The following FTCDNL1 variants were observed in gnomAD, a reference collection of about 807,000 sequenced individuals.
FTCDNL1 encodes formiminotransferase cyclodeaminase N-terminal like.
Under a neutral mutation model 5.9 loss-of-function variants are expected in FTCDNL1, and 11 were observed. The ratio of observed to expected loss-of-function variants is 1.87; its 90% CI spans 1.18 to 3.10. The LOEUF (loss-of-function observed/expected upper bound fraction) is 3.10, where lower values mean the gene tolerates loss of function less well. FTCDNL1 is among the 30% of genes most tolerant of loss of function. The pLI, the probability that FTCDNL1 is intolerant of heterozygous loss-of-function variation, is 0.00. For missense variants in FTCDNL1, 115 were observed against 65.5 expected, an observed-to-expected ratio of 1.76 and a Z score of -2.61; for synonymous variants, 58 against 24.8, an observed-to-expected ratio of 2.34 and a Z score of -3.99.
the FTCDNL1 span, among the ~76,000 whole-genome samples, chr2:199,689,451 A>G: frequency 2.0e-5 from 3 of 152,164 alleles, no homozygotes; most frequent in Non-Finnish European, 4.4e-5. Flanking sequence ...TTATCACCCA[A>G]CACAGGAAGC....
intron 3 of FTCDNL1, among the ~76,000 whole-genome samples, chr2:199,787,214 C>T (rs1238031167): frequency 6.6e-6 from 1 of 151,682 alleles, no homozygotes; most frequent in African/African-American, 2.4e-5. Context: ...TAGAATCTCG[C>T]TCTGTCACCC....
At chr2:199,781,331 G>A (rs775305821) in intron 3 of FTCDNL1, among the ~76,000 whole-genome samples, 1 of 152,138 alleles carries the variant, frequency 6.6e-6, no homozygotes, top group Admixed American at 6.5e-5. Flanking sequence ...CCTTCCTACT[G>A]ACAGGAGGTA....
Position 199,850,906 on chromosome 2 carries a change from C to T in FTCDNL1, c.-174G>A, listed in dbSNP as rs968391547. On this transcript the variant is annotated 5_prime_UTR_variant, in exon 1 of 5. Coordinates refer to ENST00000420128, the MANE Select transcript of FTCDNL1 (RefSeq NM_001363886.2). ...GGACCACGTGGGCTGAAAGGGAACC[C>T]GAAGTGACTCCCGGCCTCCCCACAG... 7.2e-5 allele frequency: 11 copies of T among 152,234 alleles called. No homozygotes were observed. The highest frequency in any genetic ancestry group is 6.5e-4 in the Admixed American group (10 of 15,296). 9.4% of individuals were successfully genotyped at this position (152,234 alleles called of 1,614,324 possible). A position where few individuals can be genotyped will look rare whatever the true frequency, so the allele number is the denominator to read the frequency against.
chr2:199,675,231 C>T, the FTCDNL1 span, among the ~76,000 whole-genome samples: 3 of 152,218 alleles, frequency 2.0e-5, no homozygotes, highest in African/African-American at 7.2e-5. Flanking sequence ...TTTATTGTCC[C>T]ACTCTTGCTT....
chr2:199,670,434 G>T, the FTCDNL1 span, among the ~76,000 whole-genome samples: 1 of 152,174 alleles, frequency 6.6e-6, no homozygotes, highest in Admixed American at 6.5e-5. Flanking sequence ...TAGGACTCAA[G>T]AATCAGTTTT....
rs1246866511 is a variant in FTCDNL1 at position 199,762,250 on chromosome 2, G to A, written c.212-1415C>T. ...AAAAATTAGCCGAGCATGGTGGTGG[G>A]CACCTGTAGTCCCAGCTACTCAGGA... On this transcript the variant is annotated intron_variant, in intron 3 of 3. Coordinates refer to the FTCDNL1 transcript ENST00000416668. Among the ~76,000 whole-genome samples the A allele has an allele frequency of 2.0e-5, 3 of 152,080 alleles. No individual in the cohort carries two copies. In the East Asian group the frequency reaches 5.8e-4, roughly 29 times the overall value.
At chr2:199,737,971 A>G in the FTCDNL1 span, among the ~76,000 whole-genome samples, 1 of 152,214 alleles carries the variant, frequency 6.6e-6, no homozygotes, top group Non-Finnish European at 1.5e-5. Context: ...AGCTGCCTCA[A>G]TGACCACAGC....
At chr2:199,669,987 G>A in the FTCDNL1 span, among the ~76,000 whole-genome samples, 2 of 152,164 alleles carry the variant, frequency 1.3e-5, no homozygotes, top group African/African-American at 2.4e-5. Flanking sequence ...TGAGATTGAT[G>A]TAGTGGCTCT....
chr2:199,733,292 T>C, the FTCDNL1 span, among the ~76,000 whole-genome samples: 3,565 of 152,278 alleles, frequency 0.023, 146 homozygotes, highest in African/African-American at 0.08. Context: ...AGGAATTATA[T>C]ATTTAGGCAT....
chr2:199,815,411 T>C (rs1358475643), intron 4 of FTCDNL1, among the ~76,000 whole-genome samples: 2 of 152,234 alleles, frequency 1.3e-5, no homozygotes, highest in Admixed American at 6.5e-5. Flanking sequence ...GATTGTTGAC[T>C]GTACTGTACA....
At chr2:199,735,081 CCT>C in the FTCDNL1 span, among the ~76,000 whole-genome samples, 2 of 141,220 alleles carry the variant, frequency 1.4e-5, no homozygotes, top group Non-Finnish European at 3.0e-5. Flanking sequence ...TCTTAAACCC[CCT>C]GATAGTCAAA....
At chr2:199,681,394 T>G in the FTCDNL1 span, among the ~76,000 whole-genome samples, 1 of 151,984 alleles carries the variant, frequency 6.6e-6, no homozygotes, top group African/African-American at 2.4e-5. Context: ...AGGCGGAGGT[T>G]GCAGTGAGCC....
intron 3 of FTCDNL1, among the ~76,000 whole-genome samples, chr2:199,838,431 G>GA (rs550620734): frequency 1.1e-4 from 16 of 151,750 alleles, no homozygotes; most frequent in South Asian, 2.1e-4. Flanking sequence ...AAACCCCCAG[G>GA]AAAAAAAATG....
chr2:199,805,512 G>T (rs1209069550), downstream of FTCDNL1, among the ~76,000 whole-genome samples: 2 of 152,148 alleles, frequency 1.3e-5, no homozygotes, highest in African/African-American at 2.4e-5. Context: ...GCCGGGGCAG[G>T]CGGATCACTT....
At chr2:199,752,222 C>G in the FTCDNL1 span, among the ~76,000 whole-genome samples, 1 of 152,172 alleles carries the variant, frequency 6.6e-6, no homozygotes, top group African/African-American at 2.4e-5. Flanking sequence ...AGGCTGCCTC[C>G]CCTCTCCCTC....
chr2:199,712,528 AG>A, the FTCDNL1 span, among the ~76,000 whole-genome samples: 1 of 152,216 alleles, frequency 6.6e-6, no homozygotes, highest in Admixed American at 6.5e-5. Flanking sequence ...ACTTTAAAAA[AG>A]GTGTAATCTC....
chr2:199,728,981 A>C, the FTCDNL1 span, among the ~76,000 whole-genome samples: 1 of 152,160 alleles, frequency 6.6e-6, no homozygotes. Flanking sequence ...TCAGAGGAAA[A>C]AGCATGAAGC....
the FTCDNL1 span, among the ~76,000 whole-genome samples, chr2:199,730,181 A>G: frequency 6.6e-6 from 1 of 152,198 alleles, no homozygotes; most frequent in Admixed American, 6.5e-5. Flanking sequence ...CCTTCCTTAT[A>G]CCTTATACAA....
At chr2:199,724,453 T>G in the FTCDNL1 span, among the ~76,000 whole-genome samples, 1 of 152,158 alleles carries the variant, frequency 6.6e-6, no homozygotes, top group Non-Finnish European at 1.5e-5. Context: ...CTTGGTTCCC[T>G]AGTTCTTTTA....
Sources: gnomAD v4.1 joint callset for allele counts (sites outside exome capture counted in the v4.1 genomes callset) on GRCh38, gnomAD v4.1.1 for gene constraint, MANE v1.5 for transcripts, NCBI Gene and HGNC (gene_info 2026-07-23, HGNC 2026-07-21) for gene names.